VMP1: variants seen among roughly 807,000 people sequenced by gnomAD.
The protein encoded by VMP1 is vacuole membrane protein 1, also known as ectopic P-granules autophagy protein 3 homolog.
A neutral mutation model predicts 56.0 loss-of-function variants in VMP1; 11 were observed. The observed-to-expected ratio is 0.20, with a 90% CI of 0.12 to 0.32. The LOEUF (loss-of-function observed/expected upper bound fraction) is 0.32, where lower values mean the gene tolerates loss of function less well. Among genes scored for constraint, VMP1 ranks in the 10% least tolerant of loss-of-function variants. VMP1 has a pLI of 1.00. For missense variants in VMP1, 296 were observed against 490.3 expected (o/e 0.60, Z 3.74); for synonymous variants, 149 against 165.0 (o/e 0.90, Z 0.74).
At chr17:59,807,046 A>G (rs2037865253) in intron 7 of VMP1, among the ~76,000 whole-genome samples, 1 of 152,154 alleles carries the variant, frequency 6.6e-6, no homozygotes, top group Non-Finnish European at 1.5e-5. Context: ...TCTATTCTAC[A>G]CAATATTATT....
intron 5 of VMP1, among the ~76,000 whole-genome samples, chr17:59,763,570 T>C (rs553536745): frequency 3.3e-5 from 5 of 152,280 alleles, no homozygotes; most frequent in Admixed American, 2.6e-4. Flanking sequence ...AAATGCCGAT[T>C]CTATTTAGAG....
chr17:59,735,509 C>T, intron 3 of VMP1, 36 bp downstream of exon 3: 1 of 1,602,100 alleles, frequency 6.2e-7, no homozygotes, highest in East Asian at 2.2e-5. Flanking sequence ...TTACATACAC[C>T]TCATTTACTC....
chr17:59,826,564 T>TC (rs746485615), intron 10 of VMP1, among the ~76,000 whole-genome samples: 3 of 152,026 alleles, frequency 2.0e-5, no homozygotes, highest in Non-Finnish European at 2.9e-5. Context: ...AGATAGAAAA[T>TC]ATAAATGAAG....
chr17:59,728,225 A>G (rs900625152), intron 1 of VMP1, among the ~76,000 whole-genome samples: 1 of 152,212 alleles, frequency 6.6e-6, no homozygotes, highest in African/African-American at 2.4e-5. Context: ...GAGTTTAGAC[A>G]AGGAATAAAT....
chr17:59,717,434 G>A (rs1281928340), intron 1 of VMP1, among the ~76,000 whole-genome samples: 1 of 152,006 alleles, frequency 6.6e-6, no homozygotes, highest in Non-Finnish European at 1.5e-5. Flanking sequence ...CCAGGCAGGA[G>A]TGCAGTGGCA....
intron 7 of VMP1, among the ~76,000 whole-genome samples, chr17:59,804,467 C>T (rs2037779617): frequency 6.6e-6 from 1 of 151,546 alleles, no homozygotes; most frequent in South Asian, 2.1e-4. Flanking sequence ...TACAAAAAAT[C>T]ATCCGGGCGT....
intron 1 of VMP1, among the ~76,000 whole-genome samples, chr17:59,727,004 A>G (rs1203146302): frequency 6.6e-6 from 1 of 152,112 alleles, no homozygotes. Context: ...ATATGTTAGT[A>G]TTTTATGTAC....
chr17:59,766,093 T>C (rs2036222444), intron 6 of VMP1, among the ~76,000 whole-genome samples: 1 of 152,174 alleles, frequency 6.6e-6, no homozygotes, highest in Non-Finnish European at 1.5e-5. Context: ...ATTTATTTAC[T>C]GAGACAGGGC....
intron 1 of VMP1, among the ~76,000 whole-genome samples, chr17:59,726,524 C>T (rs577578836): frequency 2.6e-4 from 39 of 152,110 alleles, no homozygotes; most frequent in Non-Finnish European, 4.7e-4. Flanking sequence ...GAACTCCTGA[C>T]CTCGGGTGAT....
chr17:59,819,050 T>C (rs998639819), intron 10 of VMP1, among the ~76,000 whole-genome samples: 3 of 152,196 alleles, frequency 2.0e-5, no homozygotes, highest in Non-Finnish European at 4.4e-5. Flanking sequence ...TAAAATAGTT[T>C]TTAATATTTG....
chr17:59,738,102 G>C (rs553312111), intron 4 of VMP1, among the ~76,000 whole-genome samples: 1 of 152,046 alleles, frequency 6.6e-6, no homozygotes, highest in Non-Finnish European at 1.5e-5. Context: ...AAGGTTTTCC[G>C]TCACAGCAGC....
intron 5 of VMP1, among the ~76,000 whole-genome samples, chr17:59,739,220 C>G (rs907333780): frequency 6.6e-6 from 1 of 152,102 alleles, no homozygotes; most frequent in Admixed American, 6.5e-5. Context: ...TCTTTTCTTT[C>G]TAGATTTAAT....
chr17:59,732,670 C>CA (rs760646125), intron 2 of VMP1, among the ~76,000 whole-genome samples: 2 of 152,226 alleles, frequency 1.3e-5, no homozygotes, highest in Non-Finnish European at 2.9e-5. Flanking sequence ...CAGAGATGGG[C>CA]ATTGCATACA....
intron 7 of VMP1, among the ~76,000 whole-genome samples, chr17:59,782,260 A>G (rs1238617502): frequency 6.6e-6 from 1 of 152,082 alleles, no homozygotes; most frequent in African/African-American, 2.4e-5. Flanking sequence ...TCTTTAATCT[A>G]TGAAAATATT....
intron 5 of VMP1, among the ~76,000 whole-genome samples, chr17:59,743,775 C>T (rs1485720694): frequency 6.6e-6 from 1 of 151,906 alleles, no homozygotes; most frequent in Non-Finnish European, 1.5e-5. Context: ...GCTGTAATTG[C>T]TTAATAGCTC....
chr17:59,832,629 T>C, intron 10 of VMP1, among the ~76,000 whole-genome samples: 1 of 149,838 alleles, frequency 6.7e-6, no homozygotes, highest in African/African-American at 2.5e-5. Context: ...AGTCTCGCTC[T>C]GTCGCCCAGG....
chr17:59,766,587 A>G (rs1049576063), intron 6 of VMP1, among the ~76,000 whole-genome samples: 4 of 152,198 alleles, frequency 2.6e-5, no homozygotes, highest in African/African-American at 9.6e-5. Flanking sequence ...AAGGTCAGAC[A>G]TTTCTTAATA....
chr17:59,729,954 G>T (rs940274093), intron 1 of VMP1: 1 of 152,172 alleles, frequency 6.6e-6, no homozygotes, highest in East Asian at 1.9e-4. Context: ...AAAGTGCTGG[G>T]ATTACAGGCG....
intron 8 of VMP1, among the ~76,000 whole-genome samples, chr17:59,809,715 C>G (rs551002011): frequency 1.3e-5 from 2 of 150,696 alleles, no homozygotes; most frequent in African/African-American, 4.9e-5. Context: ...ACCGTTTTAG[C>G]CGGGATGGTC....
Sources: gnomAD v4.1 joint callset for allele counts (sites outside exome capture counted in the v4.1 genomes callset) on GRCh38, gnomAD v4.1.1 for gene constraint, MANE v1.5 for transcripts, NCBI Gene and HGNC (gene_info 2026-07-23, HGNC 2026-07-21) for gene names.